KCNMB2: variants seen among roughly 807,000 people sequenced by gnomAD.
The protein encoded by KCNMB2 is potassium calcium-activated channel subfamily M regulatory beta subunit 2, also known as calcium-activated potassium channel subunit beta-2.
KCNMB2 carries 9 observed loss-of-function variants against 24.5 expected under a neutral mutation model. The ratio of observed to expected loss-of-function variants is 0.37; its 90% CI spans 0.22 to 0.64. KCNMB2 has a LOEUF of 0.64. KCNMB2 is among the 30% of genes least tolerant of loss of function. KCNMB2 has a pLI of 0.63. For synonymous variants in KCNMB2, 109 were observed against 104.4 expected (o/e 1.04, Z -0.27); for missense variants, 226 against 284.3 (o/e 0.79, Z 1.47).
intron 1 of KCNMB2, among the ~76,000 whole-genome samples, chr3:178,659,566 A>G (rs968979219): frequency 1.3e-5 from 2 of 152,320 alleles, no homozygotes; most frequent in South Asian, 2.1e-4. Context: ...AGAAGGGTAC[A>G]TGATTATCTC....
intron 1 of KCNMB2, among the ~76,000 whole-genome samples, chr3:178,650,112 T>C (rs1386323943): frequency 1.3e-5 from 2 of 152,220 alleles, no homozygotes; most frequent in African/African-American, 4.8e-5. Flanking sequence ...CCAGTAGTCA[T>C]TCAGGAGTAG....
intron 1 of KCNMB2, among the ~76,000 whole-genome samples, chr3:178,762,703 TAG>T (rs931469811): frequency 6.6e-6 from 1 of 151,942 alleles, no homozygotes; most frequent in African/African-American, 2.4e-5. Flanking sequence ...ATGAACTAGT[TAG>T]AGAGATATAT....
chr3:178,640,916 G>A (rs1301597048), intron 1 of KCNMB2, among the ~76,000 whole-genome samples: 1 of 151,950 alleles, frequency 6.6e-6, no homozygotes, highest in Non-Finnish European at 1.5e-5. Context: ...TTTGCATATG[G>A]AGATCCAATT....
chr3:178,736,432 C>T (rs1723319232), intron 1 of KCNMB2, among the ~76,000 whole-genome samples: 1 of 152,186 alleles, frequency 6.6e-6, no homozygotes, highest in African/African-American at 2.4e-5. Flanking sequence ...GACTGTCTCA[C>T]CAAAGAACAG....
At chr3:178,575,761 T>C (rs1716965679) in intron 1 of KCNMB2, among the ~76,000 whole-genome samples, 1 of 152,160 alleles carries the variant, frequency 6.6e-6, no homozygotes, top group Non-Finnish European at 1.5e-5. Flanking sequence ...TACATACTTA[T>C]GATGTGTGAG....
chr3:178,624,244 A>AT (rs35333167), intron 1 of KCNMB2, among the ~76,000 whole-genome samples: 1,725 of 144,202 alleles, frequency 0.012, 17 homozygotes, highest in African/African-American at 0.025. Context: ...TTACTGGGTA[A>AT]TTTTTTTTTT....
chr3:178,842,427 A>T (rs1431857391), intron 4 of KCNMB2, among the ~76,000 whole-genome samples: 1 of 152,234 alleles, frequency 6.6e-6, no homozygotes, highest in Non-Finnish European at 1.5e-5. Flanking sequence ...ATCAATAAAT[A>T]ATATATGGGT....
intron 1 of KCNMB2, among the ~76,000 whole-genome samples, chr3:178,798,203 G>T (rs1713630593): frequency 6.6e-6 from 1 of 152,094 alleles, no homozygotes; most frequent in East Asian, 1.9e-4. Flanking sequence ...GGGCATCCTT[G>T]TCTTGTGCTG....
chr3:178,657,463 G>A (rs1292989512), intron 1 of KCNMB2, among the ~76,000 whole-genome samples: 1 of 152,098 alleles, frequency 6.6e-6, no homozygotes, highest in Non-Finnish European at 1.5e-5. Flanking sequence ...TCTAAATCTT[G>A]GGTTTTCACC....
At chr3:178,780,681 T>G (rs1164671249) in intron 1 of KCNMB2, among the ~76,000 whole-genome samples, 1 of 152,198 alleles carries the variant, frequency 6.6e-6, no homozygotes, top group African/African-American at 2.4e-5. Flanking sequence ...AACTTGGGTT[T>G]GAATCCCGTA....
chr3:178,799,160 G>C (rs1207036100), intron 1 of KCNMB2, among the ~76,000 whole-genome samples: 1 of 152,082 alleles, frequency 6.6e-6, no homozygotes, highest in Admixed American at 6.6e-5. Context: ...ATTCAACATA[G>C]TACTGGAAGC....
At chr3:178,808,495 G>C (rs1034762078) in intron 2 of KCNMB2, among the ~76,000 whole-genome samples, 2 of 152,158 alleles carry the variant, frequency 1.3e-5, no homozygotes, top group African/African-American at 4.8e-5. Flanking sequence ...GAACCTGAAG[G>C]AGGTTTGCCT....
In KCNMB2 at chr3:178,696,205, A is replaced by T. The variant is rs185315985; in HGVS notation, c.-67-111138A>T. ...AGAACTAACTTACTATCATGAGAAC[A>T]GGATGGGGGAAACCATCCTTATGAT... On this transcript the variant is annotated intron_variant, in intron 1 of 4. Coordinates refer to ENST00000452583, the MANE Select transcript of KCNMB2 (RefSeq NM_181361.3). Among the ~76,000 whole-genome samples, 12 of 152,340 alleles carry T rather than the reference A, an allele frequency of 7.9e-5. No individual in the cohort carries two copies. In the East Asian group the frequency reaches 2.3e-3, roughly 29 times the overall value.
chr3:178,660,897 A>G (rs1300551375), intron 1 of KCNMB2, among the ~76,000 whole-genome samples: 2 of 152,142 alleles, frequency 1.3e-5, no homozygotes, highest in Non-Finnish European at 2.9e-5. Flanking sequence ...CTGATTCTTC[A>G]GACAGATCCT....
intron 1 of KCNMB2, among the ~76,000 whole-genome samples, chr3:178,571,449 T>G (rs868015586): frequency 6.8e-4 from 20 of 29,380 alleles, no homozygotes; most frequent in African/African-American, 5.4e-3. Flanking sequence ...TCCTTATGGA[T>G]ATATATATAT....
chr3:178,636,937 G>A (rs902558246), intron 1 of KCNMB2, among the ~76,000 whole-genome samples: 1 of 152,130 alleles, frequency 6.6e-6, no homozygotes, highest in African/African-American at 2.4e-5. Context: ...CCACTCATAA[G>A]TGAGAACATG....
chr3:178,639,515 T>C (rs1176813940), intron 1 of KCNMB2, among the ~76,000 whole-genome samples: 3 of 152,232 alleles, frequency 2.0e-5, no homozygotes, highest in Non-Finnish European at 4.4e-5. Context: ...TTTCATTATC[T>C]ACAAGATGGT....
At chr3:178,795,906 T>C (rs1713524348) in intron 1 of KCNMB2, among the ~76,000 whole-genome samples, 1 of 152,184 alleles carries the variant, frequency 6.6e-6, no homozygotes, top group African/African-American at 2.4e-5. Flanking sequence ...CAGACTGAAA[T>C]AAAGTTGAAA....
At chr3:178,556,753 AG>A in intron 1 of KCNMB2, among the ~76,000 whole-genome samples, 1 of 152,326 alleles carries the variant, frequency 6.6e-6, no homozygotes, top group Non-Finnish European at 1.5e-5. Context: ...GGAAACCAGG[AG>A]AATGCAGAAT....
Sources: allele counts gnomAD v4.1 joint callset (sites outside exome capture counted in the v4.1 genomes callset), GRCh38; gene constraint gnomAD v4.1.1; transcripts MANE v1.5; gene names NCBI Gene and HGNC (gene_info 2026-07-23, HGNC 2026-07-21).